AP1M1: variants seen among roughly 807,000 people sequenced by gnomAD.
AP1M1 encodes the protein AP-1 complex subunit mu-1.
In AP1M1, 18 loss-of-function variants were observed where a neutral mutation model predicts 57.1. The ratio of observed to expected loss-of-function variants is 0.32; its 90% confidence interval spans 0.22 to 0.47. AP1M1 has a LOEUF of 0.47. Ranked by LOEUF, AP1M1 falls within the 20% of genes least tolerant of loss-of-function variation. AP1M1 has a pLI of 1.00. For synonymous variants in AP1M1, 241 were observed against 237.9 expected (o/e 1.01, Z -0.12); for missense variants, 362 against 593.5 (o/e 0.61, Z 4.05).
intron 5 of AP1M1, among the ~76,000 whole-genome samples, chr19:16,225,617 A>G (rs1283209837): frequency 6.6e-6 from 1 of 152,190 alleles, no homozygotes; most frequent in Non-Finnish European, 1.5e-5. Flanking sequence ...GCAGTGGGTT[A>G]CAGCCCCTCA....
chr19:16,206,003 C>T lies in AP1M1; in HGVS notation c.200-338C>T, dbSNP rs1340151082. Among the ~76,000 whole-genome samples the T allele has an allele frequency of 1.3e-5, 2 of 152,134 alleles. No individual in the cohort carries two copies. Among genetic ancestry groups the T allele is most frequent in the Admixed American group, 1.3e-4 (2 of 15,276 alleles). On this transcript the variant is annotated intron_variant, in intron 2 of 11. Coordinates refer to ENST00000291439, the MANE Select transcript of AP1M1 (RefSeq NM_032493.4). The surrounding 1 kb of genome is among the most constrained non-coding windows in gnomAD (Gnocchi z 4.3). The stretch of plus-strand genomic sequence containing the variant: ...GGAGGAGCAGGGCCAGTGTGTCCTG[C>T]TTTCTGCTCCTGGAATGAGCCTCAC...
Position 16,206,391 on chromosome 19 carries a change from C to G in AP1M1, c.250C>G (p.Leu84Val). 2 of 1,614,052 alleles carry G rather than the reference C, an allele frequency of 1.2e-6. No homozygotes were observed. Among genetic ancestry groups the G allele is most frequent in the Non-Finnish European group, 1.7e-6 (2 of 1,179,986 alleles). Residue 84 changes from leucine to valine, a missense_variant, in exon 3 of 12, where the codon CTC (leucine) becomes GTC (valine). Transcript: ENST00000291439. This position sits in a 1 kb window ranked among gnomAD's most constrained non-coding sequence, Gnocchi z 4.3. ...GTGCGTGTCGCTGGTCTTTTCTTTC[C>G]TCTATAAGGTGGTGCAGGTGAGTCT... ...NACVSLVFSFLYKVVQVFSEY... is the reference protein window; with the variant it reads ...NACVSLVFSFVYKVVQVFSEY...
At chr19:16,234,304 T>C in intron 11 of AP1M1, 30 bp downstream of exon 11, 8 of 1,612,236 alleles carry the variant, frequency 5.0e-6, no homozygotes, top group Non-Finnish European at 6.8e-6. Flanking sequence ...TGGGGTGGGG[T>C]TGTACTGAGG....
intron 5 of AP1M1, among the ~76,000 whole-genome samples, chr19:16,217,670 A>G (rs1471019036): frequency 2.0e-5 from 3 of 152,184 alleles, no homozygotes; most frequent in Non-Finnish European, 4.4e-5. Flanking sequence ...TGCTCAGGTC[A>G]GACCAGCCCC....
At chr19:16,200,757 C>A (rs554682234) in intron 1 of AP1M1, among the ~76,000 whole-genome samples, 1 of 152,340 alleles carries the variant, frequency 6.6e-6, no homozygotes, top group African/African-American at 2.4e-5. Context: ...CTTCTGACAC[C>A]ACTAACCACC....
chr19:16,233,762 A>G (rs2145144747), intron 10 of AP1M1, 144 bp downstream of exon 10: 1 of 1,173,476 alleles, frequency 8.5e-7, no homozygotes, highest in South Asian at 1.6e-5. Context: ...CCCCACAGAC[A>G]GGGTGAGGCC....
chr19:16,207,343 A>C lies in AP1M1; in HGVS notation c.268-676A>C, dbSNP rs1490146354. 6.6e-6 allele frequency among the ~76,000 whole-genome samples: 1 copy of C among 151,894 alleles called. No homozygotes were observed. Among genetic ancestry groups the C allele is most frequent in the African/African-American group, 2.4e-5 (1 of 41,328 alleles). On this transcript the variant is annotated intron_variant, in intron 3 of 11. Transcript: ENST00000291439. The surrounding 1 kb of genome is among the most constrained non-coding windows in gnomAD (Gnocchi z 4.2). ...CACGTGCAGGCCAAGGGCTGCCTTC[A>C]CTGGACCGGTGATGCTGTCACAGGC... is the stretch of plus-strand genomic sequence containing the variant.
Position 16,227,577 on chromosome 19 carries a change from G to A in AP1M1, c.703G>A (p.Asp235Asn), listed in dbSNP as rs1171321385. The change falls in exon 7 of 12, where the codon GAT (aspartate) becomes AAT (asparagine). Residue 235 changes from aspartate to asparagine, a missense_variant. Around this residue, in one of 2 missense-constraint regions of AP1M1, gnomAD observed 337 missense variants for 511.1 expected, o/e 0.66. Transcript: ENST00000291439. This position sits in a 1 kb window ranked among gnomAD's most constrained non-coding sequence, Gnocchi z 6.2. ...CAAAAGCAAATCCGTGGAGCTGGAG[G>A]ATGTGAAGTTCCACCAGTGTGTGCG... The part of the protein sequence containing the change: ...RGKSKSVELE[D>N]VKFHQCVRLS... The A allele has an allele frequency of 1.2e-6, 2 of 1,614,058 alleles. No homozygotes were observed. Among genetic ancestry groups the A allele is most frequent in the Middle Eastern group, 1.7e-4 (1 of 6,058 alleles).
At chr19:16,225,077 A>C (rs903824667) in intron 5 of AP1M1, among the ~76,000 whole-genome samples, 1 of 152,070 alleles carries the variant, frequency 6.6e-6, no homozygotes, top group Non-Finnish European at 1.5e-5. Context: ...GAGGCTGGGG[A>C]AGGTGACAGA....
At position 16,233,540 on chromosome 19, in the gene AP1M1, G is replaced by A. The variant is rs752003842; in HGVS notation, c.1095G>A (p.Val365=). The A allele has an allele frequency of 5.6e-6, 9 of 1,607,336 alleles. No individual in the cohort carries two copies. The African/African-American group carries it at 1.2e-4, about 21-fold the overall frequency. The stretch of plus-strand genomic sequence containing the variant: ...GGGCCCACTTCGGCCTGCCTAGTGT[G>A]GAGGCCGAAGACAAGGAGGGCAAGC... The part of the protein sequence containing the change: ...LMRAHFGLPS[V]EAEDKEGKPP... Residue 365 remains valine, a synonymous_variant, in exon 10 of 12, where the codon GTG becomes GTA. Coordinates refer to ENST00000291439, the MANE Select transcript of AP1M1 (RefSeq NM_032493.4).
chr19:16,228,761 G>C lies in AP1M1; in HGVS notation c.889-9G>C, dbSNP rs776293958. ...CCATAACCCCGGGCCGCATTGGCCT[G>C]GCCTGCAGGCCAAAAGCCAGTTCAA... is the stretch of plus-strand genomic sequence containing the variant. On this transcript the variant is annotated splice_polypyrimidine_tract_variant and intron_variant, in intron 8 of 11. Coordinates refer to ENST00000291439, the MANE Select transcript of AP1M1 (RefSeq NM_032493.4). This position sits in a 1 kb window ranked among gnomAD's most constrained non-coding sequence, Gnocchi z 5.0. The C allele has an allele frequency of 1.9e-6, 3 of 1,613,132 alleles. No individual in the cohort carries two copies. Among genetic ancestry groups the C allele is most frequent in the African/African-American group, 2.7e-5 (2 of 74,906 alleles).
chr19:16,200,328 GA>G (rs1286919824), intron 1 of AP1M1, among the ~76,000 whole-genome samples: 1 of 152,168 alleles, frequency 6.6e-6, no homozygotes, highest in African/African-American at 2.4e-5. Context: ...CGATCATGTG[GA>G]AAAGAGGTGT....
Position 16,240,278 on chromosome 19 carries a change from G to GTGTGTA in AP1M1, c.*5848_*5849insATGTGT, listed in dbSNP as rs2091640944. ...TGTGTGTGTGTGTGTGTGTGTATGT[G>GTGTGTA]TGTGTGTGTGTGTGTGTGTGTGTGA... On this transcript the variant is annotated 3_prime_UTR_variant, in exon 12 of 12. Coordinates refer to ENST00000291439, the MANE Select transcript of AP1M1 (RefSeq NM_032493.4). The GTGTGTA allele has an allele frequency of 3.8e-5, 4 of 104,418 alleles. No individual in the cohort carries two copies. The highest frequency in any genetic ancestry group is 5.9e-5 in the African/African-American group (1 of 16,972). The allele number at this position is 104,418 out of a possible 1,614,324, so 6.5% of individuals were successfully genotyped here. A position where few individuals can be genotyped will look rare whatever the true frequency, so the allele number is the denominator to read the frequency against.
At chr19:16,213,043 A>G (rs371193078) in intron 5 of AP1M1, among the ~76,000 whole-genome samples, 2 of 152,100 alleles carry the variant, frequency 1.3e-5, no homozygotes, top group East Asian at 3.8e-4. Context: ...AGTATGTACC[A>G]TGTACAGATG....
At chr19:16,215,194 C>CAGGGGCGGGGGGGGGGGGGG (rs1568350995) in intron 5 of AP1M1, among the ~76,000 whole-genome samples, 1 of 1,922 alleles carries the variant, frequency 5.2e-4, no homozygotes, top group African/African-American at 1.6e-3. Flanking sequence ...GAGGCTAAGG[C>CAGGGGCGGGGGGGGGGGGGG]GGGGGCGGGG....
At chr19:16,205,079 C>T (rs913924382) in intron 2 of AP1M1, among the ~76,000 whole-genome samples, 5 of 152,054 alleles carry the variant, frequency 3.3e-5, no homozygotes, top group Non-Finnish European at 5.9e-5. Context: ...GTGATCCGCC[C>T]GCCTCAGCCT....
At position 16,203,291 on chromosome 19, in the gene AP1M1, C is replaced by T. The variant is rs1326163477; in HGVS notation, c.43-168C>T. Among the ~76,000 whole-genome samples, 1 of 152,186 alleles carries T rather than the reference C, an allele frequency of 6.6e-6. No homozygotes were observed. Among genetic ancestry groups the T allele is most frequent in the Non-Finnish European group, 1.5e-5 (1 of 68,028 alleles). On this transcript the variant is annotated intron_variant, in intron 1 of 11. Coordinates refer to ENST00000291439, the MANE Select transcript of AP1M1 (RefSeq NM_032493.4). The surrounding 1 kb of genome is among the most constrained non-coding windows in gnomAD (Gnocchi z 4.6). Reference sequence around the variant, plus strand: ...GGGAGATGCTCTTCTCCAGGAATTCCCTGGGGGATGGAGATCAGAACGGCC... The same window carrying T: ...GGGAGATGCTCTTCTCCAGGAATTCTCTGGGGGATGGAGATCAGAACGGCC...
chr19:16,244,246 A>G lies in AP1M1; in HGVS notation c.*9811A>G, dbSNP rs1364484958. The stretch of plus-strand genomic sequence containing the variant: ...ACTAACCCAAATCAGAGACCCAGCA[A>G]AAGTATTTCAAGAATGAGGTTACAG... On this transcript the variant is annotated 3_prime_UTR_variant, in exon 12 of 12. Coordinates refer to ENST00000291439, the MANE Select transcript of AP1M1 (RefSeq NM_032493.4). The G allele has an allele frequency of 1.3e-5, 2 of 152,236 alleles. No homozygotes were observed. The highest frequency in any genetic ancestry group is 2.9e-5 in the Non-Finnish European group (2 of 68,040). 9.4% of individuals were successfully genotyped at this position (152,236 alleles called of 1,614,324 possible). A position where few individuals can be genotyped will look rare whatever the true frequency, so the allele number is the denominator to read the frequency against.
Position 16,234,890 on chromosome 19 carries a change from T to G in AP1M1, c.*455T>G. ...TGGGTTTATGGGTGTTCCTGGAACT[T>G]GTCTTTGTGCATTCGTTGCTGTTTG... On this transcript the variant is annotated 3_prime_UTR_variant, in exon 12 of 12. Transcript: ENST00000291439. 1 of 201,230 alleles carries G rather than the reference T, an allele frequency of 5.0e-6. No individual in the cohort carries two copies. The highest frequency in any genetic ancestry group is 2.3e-5 in the African/African-American group (1 of 43,302). 12.5% of individuals were successfully genotyped at this position (201,230 alleles called of 1,614,324 possible).
Sources: allele counts gnomAD v4.1 joint callset (sites outside exome capture counted in the v4.1 genomes callset), GRCh38; gene constraint gnomAD v4.1.1; regional missense constraint gnomAD v4.1.1; non-coding constraint Gnocchi (gnomAD v3.1); transcripts MANE v1.5; gene names NCBI Gene and HGNC (gene_info 2026-07-23, HGNC 2026-07-21).